GALNT13: variants seen among roughly 807,000 people sequenced by gnomAD.
The protein encoded by GALNT13 is UDP-GalNAc:polypeptide N-acetylgalactosaminyltransferase 13.
Under a neutral mutation model 64.2 loss-of-function variants are expected in GALNT13, and 28 were observed. The observed-to-expected ratio is 0.44, with a 90% CI of 0.32 to 0.60. The LOEUF is 0.60. GALNT13 is among the 20% of genes least tolerant of loss of function. The pLI, the probability that GALNT13 is intolerant of heterozygous loss-of-function variation, is 0.05. For synonymous variants in GALNT13, 214 were observed against 224.6 expected, an observed-to-expected ratio of 0.95 and a Z score of 0.42; for missense variants, 577 against 669.8, an observed-to-expected ratio of 0.86 and a Z score of 1.53.
intron 3 of GALNT13, among the ~76,000 whole-genome samples, chr2:153,951,925 G>T (rs970121086): frequency 1.3e-5 from 2 of 152,104 alleles, no homozygotes; most frequent in African/African-American, 4.8e-5. Flanking sequence ...AATGATTTCA[G>T]TGACTTTATG....
chr2:153,491,498 TCTCC>T, the GALNT13 span, among the ~76,000 whole-genome samples: 4 of 151,946 alleles, frequency 2.6e-5, no homozygotes, highest in African/African-American at 9.7e-5. Flanking sequence ...GAGCACAGAC[TCTCC>T]CTGTGAGAAC....
the GALNT13 span, among the ~76,000 whole-genome samples, chr2:153,361,288 A>C: frequency 1.3e-5 from 2 of 152,094 alleles, no homozygotes; most frequent in African/African-American, 4.8e-5. Flanking sequence ...GCTGAAACCT[A>C]AAAGGCCAGA....
chr2:153,836,052 A>G, the GALNT13 span, among the ~76,000 whole-genome samples: 6 of 152,192 alleles, frequency 3.9e-5, no homozygotes, highest in African/African-American at 1.4e-4. Flanking sequence ...AAATAATTTT[A>G]GGAGTCTTTA....
chr2:153,562,060 C>CTCTGTGTGTG, the GALNT13 span, among the ~76,000 whole-genome samples: 1,122 of 118,886 alleles, frequency 9.4e-3, 19 homozygotes, highest in African/African-American at 0.034. Flanking sequence ...CTCTCTCTCT[C>CTCTGTGTGTG]TGTGTGTGTG....
At chr2:153,100,677 A>G in the GALNT13 span, among the ~76,000 whole-genome samples, 1 of 152,142 alleles carries the variant, frequency 6.6e-6, no homozygotes, top group Non-Finnish European at 1.5e-5. Context: ...TTCTTCATTA[A>G]CAAAATTGAA....
intron 11 of GALNT13, chr2:154,436,721 G>A (rs1304008562): frequency 2.0e-5 from 3 of 152,028 alleles, no homozygotes; most frequent in Non-Finnish European, 4.4e-5. Context: ...GTGACCATAT[G>A]TTCTTCATAA....
the GALNT13 span, among the ~76,000 whole-genome samples, chr2:153,815,351 A>G: frequency 6.6e-6 from 1 of 152,200 alleles, no homozygotes; most frequent in Non-Finnish European, 1.5e-5. Flanking sequence ...TAGTTAGTAT[A>G]TCCACATTGT....
At chr2:153,315,534 T>C in the GALNT13 span, among the ~76,000 whole-genome samples, 4 of 152,124 alleles carry the variant, frequency 2.6e-5, no homozygotes, top group Admixed American at 2.6e-4. Context: ...ATGTTCAAAA[T>C]ATATAAAGCA....
intron 3 of GALNT13, among the ~76,000 whole-genome samples, chr2:153,953,924 G>C (rs1472279802): frequency 6.6e-6 from 1 of 152,130 alleles, no homozygotes; most frequent in African/African-American, 2.4e-5. Flanking sequence ...TCTTGGTGCT[G>C]CCAGGGAGGC....
intron 3 of GALNT13, among the ~76,000 whole-genome samples, chr2:153,954,356 C>A (rs1430368699): frequency 6.6e-6 from 1 of 151,830 alleles, no homozygotes; most frequent in African/African-American, 2.4e-5. Flanking sequence ...TGGAATATAC[C>A]AACACAATTG....
chr2:154,006,775 A>G (rs867018725), intron 3 of GALNT13, among the ~76,000 whole-genome samples: 8 of 152,180 alleles, frequency 5.3e-5, no homozygotes, highest in African/African-American at 1.9e-4. Context: ...TTCAAATACT[A>G]TGATGTTCAG....
At chr2:154,306,639 G>A (rs1414032770) in intron 9 of GALNT13, among the ~76,000 whole-genome samples, 1 of 138,816 alleles carries the variant, frequency 7.2e-6, no homozygotes, top group Non-Finnish European at 1.6e-5. Flanking sequence ...TCAAGAAATG[G>A]GGAGTGCTGA....
the GALNT13 span, among the ~76,000 whole-genome samples, chr2:153,257,059 C>A: frequency 6.6e-6 from 1 of 152,210 alleles, no homozygotes; most frequent in Non-Finnish European, 1.5e-5. Context: ...GCCTCGCTGC[C>A]GCCTTGCAAT....
chr2:154,054,879 C>T (rs1174573209), intron 3 of GALNT13, among the ~76,000 whole-genome samples: 1 of 151,942 alleles, frequency 6.6e-6, no homozygotes, highest in Non-Finnish European at 1.5e-5. Flanking sequence ...ATGAACTCAT[C>T]TTAAAATGGT....
At chr2:153,649,540 CT>C in the GALNT13 span, among the ~76,000 whole-genome samples, 1 of 147,510 alleles carries the variant, frequency 6.8e-6, no homozygotes, top group African/African-American at 2.5e-5. Flanking sequence ...TTTTCTAGTT[CT>C]TTTAATTGTG....
chr2:154,393,089 A>G (rs1474299224), intron 9 of GALNT13, among the ~76,000 whole-genome samples: 1 of 152,224 alleles, frequency 6.6e-6, no homozygotes, highest in African/African-American at 2.4e-5. Context: ...GACTTGTCAA[A>G]TTTGAGATGC....
the GALNT13 span, among the ~76,000 whole-genome samples, chr2:153,428,999 A>G: frequency 6.6e-6 from 1 of 152,100 alleles, no homozygotes; most frequent in South Asian, 2.1e-4. Flanking sequence ...TTTATGTGCA[A>G]TTCTTTTTAA....
At chr2:153,667,795 A>G in the GALNT13 span, among the ~76,000 whole-genome samples, 2 of 152,172 alleles carry the variant, frequency 1.3e-5, no homozygotes, top group African/African-American at 4.8e-5. Flanking sequence ...TTGAACATAA[A>G]TGGCTAAATT....
At chr2:153,524,510 G>GA in the GALNT13 span, among the ~76,000 whole-genome samples, 4 of 152,032 alleles carry the variant, frequency 2.6e-5, no homozygotes, top group Non-Finnish European at 4.4e-5. Flanking sequence ...TGAAGAGGTA[G>GA]AAAAAAAGTC....
Sources: gnomAD v4.1 joint callset for allele counts (sites outside exome capture counted in the v4.1 genomes callset) on GRCh38, gnomAD v4.1.1 for gene constraint, MANE v1.5 for transcripts, NCBI Gene and HGNC (gene_info 2026-07-23, HGNC 2026-07-21) for gene names.